The following MACROH2A1 variants were observed in gnomAD, a reference collection of about 807,000 sequenced individuals.
MACROH2A1 encodes the protein core histone macro-H2A.1.
MACROH2A1 carries 2 observed loss-of-function variants against 31.6 expected under a neutral mutation model. The ratio of observed to expected loss-of-function variants is 0.06; its 90% CI spans 0.03 to 0.20. The LOEUF (loss-of-function observed/expected upper bound fraction) is 0.20, where lower values mean the gene tolerates loss of function less well. Among genes scored for constraint, MACROH2A1 ranks in the 10% least tolerant of loss-of-function variants. The probability of loss-of-function intolerance (pLI) is 1.00; values close to 1 mark genes in which losing one functional copy is unlikely to be tolerated. For missense variants in MACROH2A1, 230 were observed against 474.0 expected (o/e 0.49, Z 4.78); for synonymous variants, 169 against 189.6 (o/e 0.89, Z 0.89).
At chr5:135,353,310 G>A in intron 5 of MACROH2A1, 1 of 432,766 alleles carries the variant, frequency 2.3e-6, no homozygotes, top group Non-Finnish European at 4.2e-6. Context: ...AGTGGACGAG[G>A]AGATCAGCTT....
intron 2 of MACROH2A1, among the ~76,000 whole-genome samples, chr5:135,383,056 C>T (rs760698897): frequency 1.3e-5 from 2 of 152,236 alleles, no homozygotes; most frequent in Non-Finnish European, 2.9e-5. Context: ...TAGTCTCAAA[C>T]CCTGAGGCCT....
intron 4 of MACROH2A1, among the ~76,000 whole-genome samples, chr5:135,363,419 A>T (rs1335213664): frequency 6.6e-6 from 1 of 152,260 alleles, no homozygotes; most frequent in African/African-American, 2.4e-5. Context: ...GTGAGGTGTT[A>T]ACACATTCAA....
chr5:135,343,609 C>T (rs1581146321), intron 7 of MACROH2A1, 175 bp from the exon 8 acceptor site: 2 of 972,778 alleles, frequency 2.1e-6, no homozygotes, highest in East Asian at 5.3e-5. Flanking sequence ...GAGCTGGAGC[C>T]AAGCCACACC....
chr5:135,338,481 C>G (rs1278740744), intron 8 of MACROH2A1, among the ~76,000 whole-genome samples: 1 of 152,176 alleles, frequency 6.6e-6, no homozygotes, highest in Non-Finnish European at 1.5e-5. Flanking sequence ...CCCCTTCCAC[C>G]CTCGTCCCTG....
rs765195054 is a variant in MACROH2A1, at chr5:135,345,989, C to T, written c.757G>A (p.Gly253Arg). ...TCACCTCCAGCTACTTCCAAGGGCC[C>T]GTTCTTTTTCCGGAGTTCCAGGACA... ...EAVLELRKKN[G>R]PLEVAGAAVS... The change falls in exon 7 of 9, where the codon GGG becomes AGG. Residue 253 changes from glycine (G) to arginine (R), a missense_variant. Coordinates refer to ENST00000511689, the MANE Select transcript of MACROH2A1 (RefSeq NM_138610.3). 33 of 1,612,940 alleles carry T rather than the reference C, an allele frequency of 2.0e-5. No homozygotes were observed. Among genetic ancestry groups the T allele is most frequent in the Non-Finnish European group, 2.7e-5 (32 of 1,178,980 alleles).
chr5:135,393,694 A>G (rs532336718), intron 1 of MACROH2A1, among the ~76,000 whole-genome samples: 1 of 152,334 alleles, frequency 6.6e-6, no homozygotes, highest in Admixed American at 6.5e-5. Context: ...TTTGAAAACA[A>G]TGATAGGTCC....
intron 1 of MACROH2A1, among the ~76,000 whole-genome samples, chr5:135,394,070 G>A (rs933099035): frequency 6.6e-5 from 10 of 152,100 alleles, no homozygotes; most frequent in African/African-American, 9.7e-5. Flanking sequence ...AGGTGGACAT[G>A]AGAACAACAA....
chr5:135,341,448 C>T (rs1393626392), intron 8 of MACROH2A1, among the ~76,000 whole-genome samples: 1 of 152,042 alleles, frequency 6.6e-6, no homozygotes, highest in Non-Finnish European at 1.5e-5. Flanking sequence ...GGGGTGGCGG[C>T]GGGTGGCGGG....
At chr5:135,336,806 G>A (rs187070294) in intron 8 of MACROH2A1, among the ~76,000 whole-genome samples, 1 of 152,226 alleles carries the variant, frequency 6.6e-6, no homozygotes, top group Non-Finnish European at 1.5e-5. Context: ...AGGAGTCAAG[G>A]AGCACAGAGG....
intron 6 of MACROH2A1, chr5:135,347,699 A>G (rs1340226139): frequency 2.6e-5 from 4 of 152,266 alleles, no homozygotes; most frequent in South Asian, 2.1e-4. Context: ...TGAGACCCCA[A>G]TACAGGTTCA....
intron 1 of MACROH2A1, among the ~76,000 whole-genome samples, chr5:135,395,215 A>C (rs902606561): frequency 6.6e-6 from 1 of 152,174 alleles, no homozygotes; most frequent in Admixed American, 6.5e-5. Context: ...CCTCACATCT[A>C]TAAGAGATTG....
At chr5:135,394,699 C>A (rs1360111138) in intron 1 of MACROH2A1, among the ~76,000 whole-genome samples, 1 of 152,162 alleles carries the variant, frequency 6.6e-6, no homozygotes, top group Non-Finnish European at 1.5e-5. Context: ...GTTCTGAAAC[C>A]AGCTATCCCA....
Position 135,389,087 on chromosome 5 carries a change from T to C in MACROH2A1, c.7A>G (p.Ser3Gly). 6.2e-7 allele frequency: 1 copy of C among 1,613,036 alleles called. No individual in the cohort carries two copies. The highest frequency in any genetic ancestry group is 1.1e-5 in the South Asian group (1 of 91,032). Residue 3 changes from serine to glycine, a missense_variant, in exon 2 of 9, where the codon AGC (serine) becomes GGC (glycine). Physicochemically the swap from Ser to Gly is moderately conservative, Grantham distance 56. Coordinates refer to ENST00000511689, the MANE Select transcript of MACROH2A1 (RefSeq NM_138610.3). ...GTGGACTTCTTCTTCCCACCGCGGC[T>C]CGACATGGCGGTGGCCCTGGAGGCG... MS[S>G]RGGKKKSTKT...
At chr5:135,367,240 G>A (rs1165676392) in intron 4 of MACROH2A1, among the ~76,000 whole-genome samples, 1 of 152,164 alleles carries the variant, frequency 6.6e-6, no homozygotes, top group Admixed American at 6.5e-5. Context: ...TTAAACAAAT[G>A]TTTTGAAAAT....
chr5:135,344,476 A>G (rs1760495116), intron 7 of MACROH2A1: 5 of 152,134 alleles, frequency 3.3e-5, no homozygotes, highest in Admixed American at 2.6e-4. Context: ...CTCATGGTAC[A>G]GTGGAAACAG....
In MACROH2A1 at chr5:135,352,962, G is replaced by T. The variant is rs751911520; in HGVS notation, c.672C>A (p.Asp224Glu). 6 of 1,573,950 alleles carry T rather than the reference G, an allele frequency of 3.8e-6. No homozygotes were observed. In the African/African-American group the frequency reaches 6.7e-5, roughly 18 times the overall value. The change falls in exon 6 of 9, where the codon GAC becomes GAA. Residue 224 changes from aspartate to glutamate, a missense_variant. Coordinates refer to ENST00000511689, the MANE Select transcript of MACROH2A1 (RefSeq NM_138610.3). ...CCCAATTACCTAGGTCATCTTTAAGGTCAATGTCAGCATTGGTAGGATTGA... is the reference window on the plus strand; with the variant it reads ...CCCAATTACCTAGGTCATCTTTAAGTTCAATGTCAGCATTGGTAGGATTGA... ...AIINPTNADI[D>E]LKDDLGNTLE...
chr5:135,378,183 G>A (rs1051058615), intron 2 of MACROH2A1, among the ~76,000 whole-genome samples: 3 of 152,212 alleles, frequency 2.0e-5, no homozygotes, highest in Non-Finnish European at 4.4e-5. Context: ...ATACCTGACT[G>A]GGCACTGCCC....
rs1766261156 is a variant in MACROH2A1, at chr5:135,385,411, C to T, written c.172+3511G>A. ...TATACCTGTTTCTGGACAGGAAGCC[C>T]TTTGGGGGTGGGGATGGGTTGGTGT... On this transcript the variant is annotated intron_variant, in intron 2 of 8. Transcript: ENST00000511689. 1.3e-5 allele frequency among the ~76,000 whole-genome samples: 2 copies of T among 152,172 alleles called. 1 individual carries two copies. The highest frequency in any genetic ancestry group is 4.1e-4 in the South Asian group (2 of 4,824).
chr5:135,382,578 AG>A (rs61305295), intron 2 of MACROH2A1, among the ~76,000 whole-genome samples: 7,805 of 152,330 alleles, frequency 0.051, 259 homozygotes, highest in African/African-American at 0.083. Context: ...AGATGACTTC[AG>A]GTTTGGCAGT....
Sources: gnomAD v4.1 joint callset for allele counts (sites outside exome capture counted in the v4.1 genomes callset) on GRCh38, gnomAD v4.1.1 for gene constraint, MANE v1.5 for transcripts, NCBI Gene and HGNC (gene_info 2026-07-23, HGNC 2026-07-21) for gene names.